The following ROCK1 variants were observed in gnomAD, a reference collection of about 807,000 sequenced individuals.
ROCK1 encodes the protein rho-associated protein kinase 1.
In ROCK1, 36 loss-of-function variants were observed where a neutral mutation model predicts 196.8. The observed-to-expected ratio is 0.18, with a 90% CI of 0.14 to 0.24. The LOEUF (loss-of-function observed/expected upper bound fraction) is 0.24, where lower values mean the gene tolerates loss of function less well. Ranked by LOEUF, ROCK1 falls within the 10% of genes least tolerant of loss-of-function variation. The pLI, the probability that ROCK1 is intolerant of heterozygous loss-of-function variation, is 1.00. For synonymous variants in ROCK1, 443 were observed against 515.9 expected, an observed-to-expected ratio of 0.86 and a Z score of 1.91; for missense variants, 920 against 1,562.0, an observed-to-expected ratio of 0.59 and a Z score of 6.93.
In ROCK1 at chr18:20,960,517, G is replaced by A. The variant is rs556636647; in HGVS notation, c.3353-311C>T. 26 of 221,144 alleles carry A rather than the reference G, an allele frequency of 1.2e-4. No individual in the cohort carries two copies. The East Asian group carries it at 2.3e-3, about 20-fold the overall frequency. The allele number at this position is 221,144 out of a possible 1,614,324, so 13.7% of individuals were successfully genotyped here. On this transcript the variant is annotated intron_variant, in intron 27 of 32. Coordinates refer to ENST00000399799, the MANE Select transcript of ROCK1 (RefSeq NM_005406.3). ...GATTGCAGCTTAAATGGGATATGAT[G>A]TAGAAGACTTTATCATTTAACATTC...
chr18:21,034,676 C>A lies in ROCK1; in HGVS notation c.1051+4796G>T, dbSNP rs189878674. On this transcript the variant is annotated intron_variant, in intron 9 of 32. Coordinates refer to ENST00000399799, the MANE Select transcript of ROCK1 (RefSeq NM_005406.3). ...TGGGTCAAAGACCTAAACATACTAGCTGAAACTATAAAATTCAAAGAAAAC... is the reference window on the plus strand; with the variant it reads ...TGGGTCAAAGACCTAAACATACTAGATGAAACTATAAAATTCAAAGAAAAC... 2.4e-3 allele frequency among the ~76,000 whole-genome samples: 368 copies of A among 152,192 alleles called. 4 individuals carry two copies. The highest frequency in any genetic ancestry group is 2.2e-3 in the Non-Finnish European group (149 of 67,994).
At chr18:21,068,076 A>G (rs1436130727) in intron 2 of ROCK1, among the ~76,000 whole-genome samples, 2 of 152,168 alleles carry the variant, frequency 1.3e-5, no homozygotes, top group East Asian at 1.9e-4. Flanking sequence ...TTAAATTTCG[A>G]TAAGTCTAAT....
At chr18:21,024,702 C>CATACACAGTACAATGGTACT (rs1205581706) in intron 10 of ROCK1, among the ~76,000 whole-genome samples, 2 of 152,198 alleles carry the variant, frequency 1.3e-5, no homozygotes, top group Non-Finnish European at 2.9e-5. Context: ...TATCAATAAA[C>CATACACAGTACAATGGTACT]ATACACAGTA....
intron 1 of ROCK1, among the ~76,000 whole-genome samples, chr18:21,084,464 T>C (rs1205172217): frequency 6.6e-6 from 1 of 151,768 alleles, no homozygotes; most frequent in Non-Finnish European, 1.5e-5. Context: ...AATAAAAACG[T>C]CTCCAAAGAC....
At chr18:21,079,113 T>G (rs558865031) in intron 1 of ROCK1, among the ~76,000 whole-genome samples, 2 of 152,288 alleles carry the variant, frequency 1.3e-5, no homozygotes, top group South Asian at 4.1e-4. Flanking sequence ...TTAGCTGTGG[T>G]CTTTCGCAGG....
intron 31 of ROCK1, among the ~76,000 whole-genome samples, chr18:20,954,398 G>A (rs1298784660): frequency 1.3e-5 from 2 of 149,006 alleles, no homozygotes; most frequent in Admixed American, 6.8e-5. Context: ...ACAACATGGT[G>A]AAACTCCATC....
At chr18:21,079,311 C>T (rs562803014) in intron 1 of ROCK1, among the ~76,000 whole-genome samples, 1 of 152,268 alleles carries the variant, frequency 6.6e-6, no homozygotes, top group South Asian at 2.1e-4. Context: ...TTGCTCACCT[C>T]CATATTTTTC....
chr18:20,993,966 C>T (rs1421240756), intron 16 of ROCK1, among the ~76,000 whole-genome samples: 2 of 152,160 alleles, frequency 1.3e-5, no homozygotes, highest in East Asian at 3.9e-4. Context: ...ACTCAAAGTA[C>T]AGTTTGACTT....
chr18:21,082,284 C>G (rs1253180125), intron 1 of ROCK1, among the ~76,000 whole-genome samples: 2 of 152,162 alleles, frequency 1.3e-5, no homozygotes, highest in African/African-American at 4.8e-5. Context: ...GAATCCTTTT[C>G]AAACTCTTTC....
chr18:20,989,543 T>G (rs2035605567), intron 18 of ROCK1, among the ~76,000 whole-genome samples: 1 of 152,228 alleles, frequency 6.6e-6, no homozygotes, highest in Admixed American at 6.5e-5. Flanking sequence ...CATTGAAGTT[T>G]GACTATTTTA....
chr18:21,043,300 CTGAA>C (rs2143506197), intron 6 of ROCK1, among the ~76,000 whole-genome samples: 1 of 152,084 alleles, frequency 6.6e-6, no homozygotes, highest in Admixed American at 6.5e-5. Flanking sequence ...GTAAAGCACA[CTGAA>C]TGTCTATTTG....
intron 1 of ROCK1, among the ~76,000 whole-genome samples, chr18:21,088,956 A>G (rs1439917351): frequency 6.6e-6 from 1 of 152,174 alleles, no homozygotes; most frequent in Admixed American, 6.5e-5. Flanking sequence ...TAAATTACCC[A>G]GTCTTGGTTC....
intron 1 of ROCK1, among the ~76,000 whole-genome samples, chr18:21,107,247 G>T (rs966098490): frequency 1.3e-5 from 2 of 152,168 alleles, no homozygotes; most frequent in Non-Finnish European, 2.9e-5. Context: ...TCAGATTACG[G>T]ATGCTATTCA....
chr18:20,982,706 C>A, intron 21 of ROCK1, 57 bp downstream of exon 21: 1 of 787,682 alleles, frequency 1.3e-6, no homozygotes, highest in Non-Finnish European at 2.2e-6. Context: ...AATCTAAATA[C>A]CTTGTTTTAA....
intron 1 of ROCK1, among the ~76,000 whole-genome samples, chr18:21,078,622 G>T (rs1208090705): frequency 6.6e-6 from 1 of 152,060 alleles, no homozygotes; most frequent in Non-Finnish European, 1.5e-5. Flanking sequence ...GACCAAAGCA[G>T]GTCTGTCTCC....
chr18:20,959,103 T>TA (rs1568367416), intron 29 of ROCK1, among the ~76,000 whole-genome samples: 4 of 17,530 alleles, frequency 2.3e-4, no homozygotes, highest in East Asian at 4.1e-3. Flanking sequence ...AATATATATA[T>TA]TATATATATA....
At chr18:20,968,330 T>G (rs1418180114) in intron 25 of ROCK1, among the ~76,000 whole-genome samples, 3 of 151,730 alleles carry the variant, frequency 2.0e-5, no homozygotes, top group Non-Finnish European at 4.4e-5. Context: ...TTTTTGAGAC[T>G]GGGTCTTGCT....
At chr18:20,987,226 TGAATA>T (rs2035585944) in intron 18 of ROCK1, 116 bp from the exon 19 acceptor site, 5 of 794,380 alleles carry the variant, frequency 6.3e-6, no homozygotes, top group Non-Finnish European at 1.0e-5. Flanking sequence ...TTCTGGGACT[TGAATA>T]GAGCTAGTAA....
Position 20,986,960 on chromosome 18 carries a change from A to G in ROCK1, c.2294T>C (p.Met765Thr), listed in dbSNP as rs2035583458. 1 of 1,595,320 alleles carries G rather than the reference A, an allele frequency of 6.3e-7. No individual in the cohort carries two copies. The highest frequency in any genetic ancestry group is 1.8e-5 in the Admixed American group (1 of 54,728). Residue 765 changes from methionine to threonine, a missense_variant, in exon 19 of 33, where the codon ATG becomes ACG. Physicochemically the swap from Met to Thr is moderately conservative, Grantham distance 81. Coordinates refer to ENST00000399799, the MANE Select transcript of ROCK1 (RefSeq NM_005406.3). ...TACTATTTTTCTTACTTCATCCTCC[A>G]TCCTTTCTTTATTTCCAGTCAAATG... ...LEHLTGNKERMEDEVKNLTLQ... is the reference protein window; with the variant it reads ...LEHLTGNKERTEDEVKNLTLQ...
Sources: allele counts gnomAD v4.1 joint callset (sites outside exome capture counted in the v4.1 genomes callset), GRCh38; gene constraint gnomAD v4.1.1; transcripts MANE v1.5; gene names NCBI Gene and HGNC (gene_info 2026-07-23, HGNC 2026-07-21).